ZNF541: variants seen among roughly 807,000 people sequenced by gnomAD.
ZNF541 encodes zinc finger protein 541.
ZNF541 carries 23 observed loss-of-function variants against 123.5 expected under a neutral mutation model. That is an observed-to-expected ratio of 0.19 (90% CI 0.13 to 0.26). The LOEUF (loss-of-function observed/expected upper bound fraction) is 0.26. Ranked by LOEUF, ZNF541 falls within the 10% of genes least tolerant of loss-of-function variation. ZNF541 has a pLI of 1.00. For missense variants in ZNF541, 1,612 were observed against 1,789.9 expected, an observed-to-expected ratio of 0.90 and a Z score of 1.79; for synonymous variants, 751 against 754.5, an observed-to-expected ratio of 1.00 and a Z score of 0.08.
At position 47,540,312 on chromosome 19, in the gene ZNF541, G is replaced by A. The variant is rs1460073899; in HGVS notation, c.2486C>T (p.Thr829Ile). The change falls in exon 7 of 17, where the codon ACA (threonine) becomes ATA (isoleucine). Residue 829 changes from threonine to isoleucine, a missense_variant. Physicochemically the swap from Thr to Ile is moderately conservative, Grantham distance 89. Around this residue, in one of 5 missense-constraint regions of ZNF541, gnomAD observed 1,080 missense variants for 1,013.8 expected, o/e 1.07. Transcript: ENST00000391901. ...AGTGCTCCTGGGCTTCGTCCAGTCT[G>A]TGGGACTGCCGTTTTGCTGGTTACT... ...GRGNQQNGSP[T>I]DWTKPRSTFV... 2.6e-6 allele frequency: 4 copies of A among 1,551,980 alleles called. No individual in the cohort carries two copies. In the South Asian group the frequency reaches 4.8e-5, roughly 18 times the overall value.
intron 12 of ZNF541, 108 bp from the exon 13 acceptor site, chr19:47,529,760 C>G (rs921834194): frequency 5.7e-5 from 61 of 1,062,194 alleles, no homozygotes. Flanking sequence ...GAAGACACTG[C>G]CTGTCCCAGG....
intron 2 of ZNF541, among the ~76,000 whole-genome samples, chr19:47,557,064 G>A (rs961367421): frequency 1.3e-5 from 2 of 151,978 alleles, no homozygotes; most frequent in Non-Finnish European, 1.5e-5. Flanking sequence ...AGCCTGGAAT[G>A]GTAATATTTT....
chr19:47,548,847 G>A (rs1354568612), intron 4 of ZNF541, among the ~76,000 whole-genome samples: 1 of 152,124 alleles, frequency 6.6e-6, no homozygotes, highest in Non-Finnish European at 1.5e-5. Context: ...AGGCCAAGGC[G>A]GGAGGATCAC....
chr19:47,537,473 A>G (rs1355703224), intron 9 of ZNF541, among the ~76,000 whole-genome samples: 1 of 150,576 alleles, frequency 6.6e-6, no homozygotes, highest in Non-Finnish European at 1.5e-5. Context: ...CTGAGGCAGG[A>G]GAACTGCTTG....
chr19:47,569,714 C>CA (rs1423242652), intron 2 of ZNF541, among the ~76,000 whole-genome samples: 3 of 151,412 alleles, frequency 2.0e-5, no homozygotes, highest in African/African-American at 4.9e-5. Context: ...CCCATCTCTA[C>CA]AAAAAAAATC....
chr19:47,544,658 G>C lies in ZNF541; in HGVS notation c.1871C>G (p.Pro624Arg). ...GPGNPEAEGS[P>R]ARRRKTTPGV... ...GGGTGTGGTTTTTCTCCTGCGGGCTGGGGAGCCCTCTGCCTCGGGGTTTCC... is the reference window on the plus strand; with the variant it reads ...GGGTGTGGTTTTTCTCCTGCGGGCTCGGGAGCCCTCTGCCTCGGGGTTTCC... Residue 624 changes from proline (P) to arginine (R), a missense_variant, in exon 5 of 17, where the codon CCA becomes CGA. Physicochemically the swap from Pro to Arg is moderately radical, Grantham distance 103. This residue lies in a region of ZNF541 where 1,080 missense variants were observed against 1,013.8 expected (regional missense o/e 1.07). Transcript: ENST00000391901. The C allele has an allele frequency of 2.6e-6, 4 of 1,542,000 alleles. No homozygotes were observed. The highest frequency in any genetic ancestry group is 3.5e-6 in the Non-Finnish European group (4 of 1,143,884).
At position 47,529,654 on chromosome 19, in the gene ZNF541, TG is replaced by T. The variant is rs1325542437; in HGVS notation, c.3406-3del. 1 of 1,551,532 alleles carries T rather than the reference TG, an allele frequency of 6.4e-7. No homozygotes were observed. Among genetic ancestry groups the T allele is most frequent in the Non-Finnish European group, 8.7e-7 (1 of 1,146,932 alleles). On this transcript the variant is annotated splice_polypyrimidine_tract_variant and splice_region_variant and intron_variant, in intron 12 of 16. Transcript: ENST00000391901. ...GAGCAGAAGAGTCTCCAGGGCGACC[TG>T]GAACAAGAGGAGCGACAGGCTGCCC...
rs1970004177 is a variant in ZNF541 at position 47,539,888 on chromosome 19, G to A, written c.2623-10C>T. 6.6e-7 allele frequency: 1 copy of A among 1,522,834 alleles called. No individual in the cohort carries two copies. Among genetic ancestry groups the A allele is most frequent in the African/African-American group, 1.4e-5 (1 of 70,982 alleles). 94.3% of individuals were successfully genotyped at this position (1,522,834 alleles called of 1,614,324 possible). ...ACTCTGTGCCAAACACCTAAACACA[G>A]AAGAGAAGAGATGGCTCTTTAAGAG... On this transcript the variant is annotated splice_polypyrimidine_tract_variant and intron_variant, in intron 7 of 16. Coordinates refer to ENST00000391901, the MANE Select transcript of ZNF541 (RefSeq NM_001277075.3).
intron 2 of ZNF541, among the ~76,000 whole-genome samples, chr19:47,569,272 C>T (rs941991439): frequency 7.2e-5 from 11 of 151,950 alleles, no homozygotes; most frequent in African/African-American, 2.7e-4. Context: ...ATAATAATAA[C>T]AGTGAACATT....
intron 2 of ZNF541, among the ~76,000 whole-genome samples, chr19:47,558,272 C>T (rs71363749): frequency 1.3e-5 from 2 of 151,746 alleles, no homozygotes; most frequent in Admixed American, 6.6e-5. Flanking sequence ...AAAAATTAGC[C>T]GGGCATGGTG....
At position 47,544,886 on chromosome 19, in the gene ZNF541, G is replaced by C. The variant is rs1268939656; in HGVS notation, c.1643C>G (p.Pro548Arg). Reference protein sequence around the residue: ...FRQLFLKSQEPLVSHEQMQVF... With the variant: ...FRQLFLKSQERLVSHEQMQVF... The stretch of plus-strand genomic sequence containing the variant: ...CTGCATCTGCTCGTGGCTCACAAGA[G>C]GTTCCTGCGACTTGAGGAAGAGCTG... The change falls in exon 5 of 17, where the codon CCT (proline) becomes CGT (arginine). Residue 548 changes from proline to arginine, a missense_variant. This residue lies in a region of ZNF541 where 1,080 missense variants were observed against 1,013.8 expected (regional missense o/e 1.07). Transcript: ENST00000391901. 16 of 1,536,208 alleles carry C rather than the reference G, an allele frequency of 1.0e-5. No homozygotes were observed. Among genetic ancestry groups the C allele is most frequent in the East Asian group, 4.9e-5 (2 of 40,896 alleles).
chr19:47,554,613 A>C (rs1455063220), intron 3 of ZNF541, among the ~76,000 whole-genome samples: 3 of 152,180 alleles, frequency 2.0e-5, no homozygotes, highest in Non-Finnish European at 4.4e-5. Context: ...TGACAACCAA[A>C]GATCAGAAGG....
At chr19:47,531,982 C>T (rs995372549) in intron 11 of ZNF541, 146 bp downstream of exon 11, 11 of 1,157,136 alleles carry the variant, frequency 9.5e-6, no homozygotes, top group South Asian at 6.4e-5. Context: ...GAAGAAGCAA[C>T]GCTGGCCAAG....
intron 5 of ZNF541, among the ~76,000 whole-genome samples, chr19:47,541,592 A>C (rs1416990752): frequency 6.6e-6 from 1 of 152,234 alleles, no homozygotes; most frequent in Non-Finnish European, 1.5e-5. Flanking sequence ...AAAAATAAGC[A>C]AAGGACCTGA....
intron 3 of ZNF541, 141 bp downstream of exon 3, chr19:47,555,409 T>C: frequency 1.5e-6 from 1 of 652,024 alleles, no homozygotes; most frequent in Non-Finnish European, 2.4e-6. Context: ...GATTCCCAAG[T>C]AGGAAAAAAG....
Position 47,544,652 on chromosome 19 carries a change from C to T in ZNF541, c.1877G>A (p.Arg626His), listed in dbSNP as rs1281739794. The T allele has an allele frequency of 5.8e-6, 9 of 1,543,914 alleles. No individual in the cohort carries two copies. Among genetic ancestry groups the T allele is most frequent in the Non-Finnish European group, 7.0e-6 (8 of 1,144,586 alleles). Reference protein sequence around the residue: ...GNPEAEGSPARRRKTTPGVPR... With the variant: ...GNPEAEGSPAHRRKTTPGVPR... ...AACCCCGGGTGTGGTTTTTCTCCTG[C>T]GGGCTGGGGAGCCCTCTGCCTCGGG... Residue 626 changes from arginine to histidine, a missense_variant, in exon 5 of 17, where the codon CGC (arginine) becomes CAC (histidine). This residue lies in a region of ZNF541 where 1,080 missense variants were observed against 1,013.8 expected (regional missense o/e 1.07). Transcript: ENST00000391901.
At chr19:47,537,305 T>G (rs1475749468) in intron 9 of ZNF541, among the ~76,000 whole-genome samples, 1 of 152,302 alleles carries the variant, frequency 6.6e-6, no homozygotes, top group African/African-American at 2.4e-5. Flanking sequence ...GGCTCACACC[T>G]GTAATCCCAG....
intron 3 of ZNF541, 142 bp downstream of exon 3, chr19:47,555,408 G>A (rs1970777183): frequency 3.0e-6 from 2 of 662,594 alleles, no homozygotes; most frequent in Non-Finnish European, 4.8e-6. Context: ...TGATTCCCAA[G>A]TAGGAAAAAA....
At chr19:47,564,146 A>G (rs965061584) in intron 2 of ZNF541, among the ~76,000 whole-genome samples, 5 of 152,194 alleles carry the variant, frequency 3.3e-5, no homozygotes, top group Non-Finnish European at 5.9e-5. Flanking sequence ...TGAACTGTAT[A>G]CTGCACTGCT....
Sources: allele counts gnomAD v4.1 joint callset (sites outside exome capture counted in the v4.1 genomes callset), GRCh38; gene constraint gnomAD v4.1.1; regional missense constraint gnomAD v4.1.1; transcripts MANE v1.5; gene names NCBI Gene and HGNC (gene_info 2026-07-23, HGNC 2026-07-21).